The following CPA4 variants were observed in gnomAD, a reference collection of about 807,000 sequenced individuals.
The protein encoded by CPA4 is carboxypeptidase A3.
A neutral mutation model predicts 54.7 loss-of-function variants in CPA4; 49 were observed. That is an observed-to-expected ratio of 0.90 (90% CI 0.71 to 1.14). The LOEUF (loss-of-function observed/expected upper bound fraction) is 1.14, where lower values mean the gene tolerates loss of function less well. CPA4 is among the 50% of genes most tolerant of loss of function. The pLI, the probability that CPA4 is intolerant of heterozygous loss-of-function variation, is 0.00. For synonymous variants in CPA4, 215 were observed against 206.8 expected (o/e 1.04, Z -0.34); for missense variants, 487 against 525.1 (o/e 0.93, Z 0.71).
intron 6 of CPA4, chr7:130,306,246 A>T (rs1448770803): frequency 9.1e-6 from 3 of 329,426 alleles, no homozygotes; most frequent in African/African-American, 2.1e-5. Context: ...CGCCATCTCC[A>T]TCTCCTAGAA....
Position 130,311,090 on chromosome 7 carries a change from G to C in CPA4, c.993+104G>C. ...TTATAGGGAGGGTCCAGGAGCCTAG[G>C]CATGTTTCATTGAAGGTCCAATCTT... On this transcript the variant is annotated intron_variant, in intron 9 of 10. Coordinates refer to ENST00000222482, the MANE Select transcript of CPA4 (RefSeq NM_016352.4). 3.4e-6 allele frequency: 3 copies of C among 885,238 alleles called. No homozygotes were observed. In the Admixed American group the frequency reaches 5.8e-5, roughly 17 times the overall value. 54.8% of individuals were successfully genotyped at this position (885,238 alleles called of 1,614,324 possible). A position where few individuals can be genotyped will look rare whatever the true frequency, so the allele number is the denominator to read the frequency against.
chr7:130,315,291 G>A (rs1463464020), intron 10 of CPA4, among the ~76,000 whole-genome samples: 2 of 152,106 alleles, frequency 1.3e-5, no homozygotes, highest in African/African-American at 4.8e-5. Context: ...TGGAACAAAA[G>A]GTGTGAGTGG....
chr7:130,296,842 C>T (rs1012087321), intron 1 of CPA4, among the ~76,000 whole-genome samples: 1 of 151,214 alleles, frequency 6.6e-6, no homozygotes, highest in South Asian at 2.1e-4. Flanking sequence ...TAAAGATACC[C>T]CCTCTTTGGA....
chr7:130,308,484 C>A, intron 8 of CPA4, 87 bp downstream of exon 8: 1 of 1,067,464 alleles, frequency 9.4e-7, no homozygotes, highest in Non-Finnish European at 1.4e-6. Flanking sequence ...GGACGGAGCG[C>A]GTTTCCACTT....
At position 130,300,333 on chromosome 7, in the gene CPA4, A is replaced by ATTTTT. The variant is rs767924823; in HGVS notation, c.286-466_286-462dup. Reference sequence around the variant, plus strand: ...ATGTAAATTGGGCCCCAAGAAGTAAATTTTTTTTTTTTTTTTTTTTTGAGA... The same window carrying ATTTTT: ...ATGTAAATTGGGCCCCAAGAAGTAAATTTTTTTTTTTTTTTTTTTTTTTTTTGAGA... On this transcript the variant is annotated intron_variant, in intron 3 of 10. Coordinates refer to ENST00000222482, the MANE Select transcript of CPA4 (RefSeq NM_016352.4). 8.4e-4 allele frequency among the ~76,000 whole-genome samples: 105 copies of ATTTTT among 124,428 alleles called. 1 individual carries two copies. The highest frequency in any genetic ancestry group is 3.1e-3 in the African/African-American group (101 of 32,286). 81.6% of individuals were successfully genotyped at this position (124,428 alleles called of 152,430 possible).
At chr7:130,318,714 A>G (rs943212139) in intron 10 of CPA4, among the ~76,000 whole-genome samples, 1 of 152,010 alleles carries the variant, frequency 6.6e-6, no homozygotes, top group African/African-American at 2.4e-5. Context: ...CCCGGCCAAA[A>G]TGTCCACCTT....
At chr7:130,320,533 T>G (rs1794075160) in intron 10 of CPA4, among the ~76,000 whole-genome samples, 1 of 152,174 alleles carries the variant, frequency 6.6e-6, no homozygotes, top group Admixed American at 6.5e-5. Flanking sequence ...GAAGCATCCC[T>G]AGAAAAATCA....
intron 2 of CPA4, 92 bp from the exon 3 acceptor site, chr7:130,299,178 C>T: frequency 7.5e-7 from 1 of 1,341,630 alleles, no homozygotes; most frequent in Non-Finnish European, 1.1e-6. Flanking sequence ...TCAGGGATCA[C>T]CCTGGCTTTT....
chr7:130,316,592 T>C (rs1029475126), intron 10 of CPA4, among the ~76,000 whole-genome samples: 7 of 152,096 alleles, frequency 4.6e-5, no homozygotes, highest in African/African-American at 1.7e-4. Flanking sequence ...TGGTGAAACA[T>C]GGTGAGAGAA....
In CPA4 at chr7:130,306,806, G is replaced by A; in HGVS notation, c.611G>A (p.Arg204Lys). 1.2e-6 allele frequency: 2 copies of A among 1,606,410 alleles called. No individual in the cohort carries two copies. Among genetic ancestry groups the A allele is most frequent in the Non-Finnish European group, 1.7e-6 (2 of 1,173,026 alleles). ...TARKIVSDYQ[R>K]DPAITSILEK... ...GCTTAGATTGTATCTGATTACCAGA[G>A]GGATCCAGCTATCACCTCCATCTTG... The change falls in exon 7 of 11, where the codon AGG (arginine) becomes AAG (lysine). Residue 204 changes from arginine to lysine, a missense_variant. By Grantham distance (26) the Arg-to-Lys change is conservative. Transcript: ENST00000222482.
chr7:130,297,789 G>A (rs1397758079), intron 1 of CPA4, among the ~76,000 whole-genome samples: 3 of 152,156 alleles, frequency 2.0e-5, no homozygotes, highest in Admixed American at 6.5e-5. Flanking sequence ...TGACAACATC[G>A]AGTGAGGATT....
Position 130,310,824 on chromosome 7 carries a change from C to T in CPA4, c.831C>T (p.Tyr277=). 6.2e-7 allele frequency: 1 copy of T among 1,614,220 alleles called. No individual in the cohort carries two copies. Among genetic ancestry groups the T allele is most frequent in the Non-Finnish European group, 8.5e-7 (1 of 1,180,034 alleles). ...GASDNPCSEV[Y]HGPHANSEVE... ...GCGACAACCCTTGCTCCGAAGTGTA[C>T]CATGGACCCCACGCCAATTCGGAAG... Residue 277 remains tyrosine (Y), a synonymous_variant, in exon 9 of 11, where the codon TAC becomes TAT. Coordinates refer to ENST00000222482, the MANE Select transcript of CPA4 (RefSeq NM_016352.4). The surrounding 1 kb of genome is among the most constrained non-coding windows in gnomAD (Gnocchi z 4.3).
At chr7:130,317,871 T>C (rs1326966886) in intron 10 of CPA4, among the ~76,000 whole-genome samples, 2 of 151,866 alleles carry the variant, frequency 1.3e-5, no homozygotes, top group Non-Finnish European at 2.9e-5. Flanking sequence ...CTCCGCCCAC[T>C]CTCCCCTCCA....
intron 1 of CPA4, among the ~76,000 whole-genome samples, chr7:130,296,246 G>T (rs1461997337): frequency 1.3e-5 from 2 of 152,196 alleles, no homozygotes; most frequent in African/African-American, 4.8e-5. Context: ...GAGAGGTGAA[G>T]AAGAGACAGA....
intron 10 of CPA4, among the ~76,000 whole-genome samples, chr7:130,315,375 A>G (rs1447070022): frequency 6.6e-6 from 1 of 152,138 alleles, no homozygotes; most frequent in Non-Finnish European, 1.5e-5. Context: ...TAGAAGGGCC[A>G]AAGGTAAAAG....
chr7:130,313,354 G>A (rs1296617051), intron 10 of CPA4, among the ~76,000 whole-genome samples: 2 of 152,182 alleles, frequency 1.3e-5, no homozygotes, highest in East Asian at 1.9e-4. Flanking sequence ...TTATTTGGTT[G>A]TTTTGCTATT....
In CPA4 at chr7:130,299,356, C is replaced by G. The variant is rs1182323711; in HGVS notation, c.237C>G (p.Phe79Leu). The change falls in exon 3 of 11, where the codon TTC (phenylalanine) becomes TTG (leucine). Residue 79 changes from phenylalanine to leucine, a missense_variant. Transcript: ENST00000222482. ...TCAGTCTGCAGGCATTTAAATCCTT[C>G]CTGAGATCCCAGGGCTTAGAGTACG... ...PSVSLQAFKS[F>L]LRSQGLEYAV... 6.2e-7 allele frequency: 1 copy of G among 1,614,008 alleles called. No individual in the cohort carries two copies. Among genetic ancestry groups the G allele is most frequent in the Admixed American group, 1.7e-5 (1 of 60,016 alleles).
intron 2 of CPA4, among the ~76,000 whole-genome samples, 159 bp downstream of exon 2, chr7:130,298,986 G>C (rs1452234974): frequency 6.6e-6 from 1 of 152,260 alleles, no homozygotes; most frequent in South Asian, 2.1e-4. Context: ...TGATGGGAGA[G>C]AGGGAGCACA....
At chr7:130,309,379 G>A (rs1277716032) in intron 8 of CPA4, among the ~76,000 whole-genome samples, 2 of 152,202 alleles carry the variant, frequency 1.3e-5, no homozygotes, top group African/African-American at 4.8e-5. Flanking sequence ...CAGCAACTCA[G>A]AAGAGAGGAA....
Sources: gnomAD v4.1 joint callset for allele counts (sites outside exome capture counted in the v4.1 genomes callset) on GRCh38, gnomAD v4.1.1 for gene constraint, Gnocchi (gnomAD v3.1) non-coding constraint, MANE v1.5 for transcripts, NCBI Gene and HGNC (gene_info 2026-07-23, HGNC 2026-07-21) for gene names.